The following TDP2 variants were observed in gnomAD, a reference collection of about 807,000 sequenced individuals.
TDP2 encodes tyrosyl-DNA phosphodiesterase 2.
TDP2 carries 38 observed loss-of-function variants against 42.8 expected under a neutral mutation model. The ratio of observed to expected loss-of-function variants is 0.89; its 90% CI spans 0.68 to 1.16. The LOEUF (loss-of-function observed/expected upper bound fraction) is 1.16, where lower values mean the gene tolerates loss of function less well. TDP2 is among the 50% of genes most tolerant of loss of function. The probability of loss-of-function intolerance (pLI) is 0.00; values close to 1 mark genes in which losing one functional copy is unlikely to be tolerated. For missense variants in TDP2, 439 were observed against 439.3 expected (o/e 1.00, Z 0.01); for synonymous variants, 173 against 150.6 (o/e 1.15, Z -1.09).
rs748308797 is a variant in TDP2 at position 24,657,920 on chromosome 6, AT to A, written c.426-18del. On this transcript the variant is annotated intron_variant, in intron 3 of 6. Transcript: ENST00000378198. ...GGGCTGTACCTAATGAAAAACATCA[AT>A]TTATGACAAATACCAAGTATACCAT... The A allele has an allele frequency of 2.1e-5, 30 of 1,457,158 alleles. No homozygotes were observed. Among genetic ancestry groups the A allele is most frequent in the Admixed American group, 8.7e-5 (4 of 45,866 alleles). 90.3% of individuals were successfully genotyped at this position (1,457,158 alleles called of 1,614,324 possible).
chr6:24,652,914 C>A, intron 6 of TDP2, 69 bp downstream of exon 6: 1 of 1,566,816 alleles, frequency 6.4e-7, no homozygotes, highest in South Asian at 1.1e-5. Flanking sequence ...CAGCTTTGGT[C>A]AAAGGAACCT....
At chr6:24,656,337 C>T (rs1290129376) in intron 4 of TDP2, among the ~76,000 whole-genome samples, 1 of 151,552 alleles carries the variant, frequency 6.6e-6, no homozygotes, top group Non-Finnish European at 1.5e-5. Context: ...AGGAGATCCA[C>T]CGTTTAACAG....
At chr6:24,654,387 C>A in intron 5 of TDP2, 25 bp downstream of exon 5, 1 of 1,115,934 alleles carries the variant, frequency 9.0e-7, no homozygotes, top group East Asian at 2.5e-5. Flanking sequence ...TTTTATAAAA[C>A]ACTCAATTTT....
intron 2 of TDP2, among the ~76,000 whole-genome samples, chr6:24,664,351 A>G (rs1778199205): frequency 6.6e-6 from 1 of 151,598 alleles, no homozygotes; most frequent in Non-Finnish European, 1.5e-5. Context: ...AAAAAAGCCA[A>G]TAAGGAATAA....
At chr6:24,659,661 CAT>C (rs1158268047) in intron 2 of TDP2, among the ~76,000 whole-genome samples, 2 of 152,152 alleles carry the variant, frequency 1.3e-5, no homozygotes, top group East Asian at 3.8e-4. Context: ...TTTTTAAAAT[CAT>C]ATGTTAAATA....
intron 4 of TDP2, 67 bp from the exon 5 acceptor site, chr6:24,654,597 T>C: frequency 3.5e-6 from 3 of 851,862 alleles, no homozygotes; most frequent in Non-Finnish European, 5.7e-6. Context: ...TACCACAAGT[T>C]TGCCTATTGA....
At position 24,666,288 on chromosome 6, in the gene TDP2, T is replaced by C. The variant is rs1296262028; in HGVS notation, c.251+238A>G. 3 of 1,537,396 alleles carry C rather than the reference T, an allele frequency of 2.0e-6. No homozygotes were observed. The African/African-American group carries it at 4.1e-5, about 21-fold the overall frequency. ...TGAGTTAAACATTACATTTCCATCT[T>C]TTCCTCCCTGGACCCCAAATCACGT... On this transcript the variant is annotated intron_variant, in intron 2 of 6. Transcript: ENST00000378198.
rs908094626 is a variant in TDP2, at chr6:24,661,226, A to C, written c.252-2492T>G. On this transcript the variant is annotated intron_variant, in intron 2 of 6. Coordinates refer to ENST00000378198, the MANE Select transcript of TDP2 (RefSeq NM_016614.3). Reference sequence around the variant, plus strand: ...TTTTTTCTAATTCCTCATGTCTTCCACATTTAATAGATGGAGTTCTACTGT... The same window carrying C: ...TTTTTTCTAATTCCTCATGTCTTCCCCATTTAATAGATGGAGTTCTACTGT... Among the ~76,000 whole-genome samples, 7 of 152,344 alleles carry C rather than the reference A, an allele frequency of 4.6e-5. No individual in the cohort carries two copies. In the South Asian group the frequency reaches 8.3e-4, roughly 18 times the overall value.
intron 2 of TDP2, among the ~76,000 whole-genome samples, chr6:24,664,863 T>G (rs906910238): frequency 2.6e-5 from 4 of 152,162 alleles, no homozygotes; most frequent in Non-Finnish European, 4.4e-5. Context: ...CCTTTGCTTG[T>G]TTTTGCCAAT....
chr6:24,656,271 A>C (rs1436594710), intron 4 of TDP2, among the ~76,000 whole-genome samples: 1 of 152,138 alleles, frequency 6.6e-6, no homozygotes, highest in African/African-American at 2.4e-5. Context: ...AGAAAGTAGA[A>C]CAGTCAATAG....
chr6:24,656,212 A>C (rs1390783741), intron 4 of TDP2, among the ~76,000 whole-genome samples: 2 of 152,218 alleles, frequency 1.3e-5, no homozygotes, highest in South Asian at 4.1e-4. Flanking sequence ...AGTGAATAGG[A>C]GGCCTAGGAA....
At chr6:24,666,334 A>AGTGTTAGATCCGCTGCT in intron 2 of TDP2, 192 bp downstream of exon 2, 2 of 1,509,170 alleles carry the variant, frequency 1.3e-6, no homozygotes, top group Non-Finnish European at 1.8e-6. Flanking sequence ...AGTCTGGTGC[A>AGTGTTAGATCCGCTGCT]GTGTTAGATC....
intron 4 of TDP2, among the ~76,000 whole-genome samples, chr6:24,655,589 T>C (rs1006289781): frequency 1.3e-5 from 2 of 152,080 alleles, no homozygotes; most frequent in Non-Finnish European, 2.9e-5. Flanking sequence ...AGACTACAGT[T>C]TTACATAGAA....
intron 2 of TDP2, 143 bp downstream of exon 2, chr6:24,666,383 A>G (rs1438939624): frequency 4.3e-6 from 6 of 1,406,750 alleles, no homozygotes; most frequent in Non-Finnish European, 4.9e-6. Context: ...GCAGCAACGC[A>G]AGCCCTGCTC....
chr6:24,661,984 T>A (rs1339321533), intron 2 of TDP2, among the ~76,000 whole-genome samples: 1 of 152,214 alleles, frequency 6.6e-6, no homozygotes, highest in African/African-American at 2.4e-5. Context: ...CTGTATTGAC[T>A]CAAGGTTTAA....
Position 24,653,078 on chromosome 6 carries a change from T to G in TDP2, c.712A>C (p.Met238Leu), listed in dbSNP as rs766587845. ...TTTAAAACCATTTTTAACTGATTCA[T>G]TCGTTCCGCAGCATGCCCTCTGGTG... ...ESTRGHAAER[M>L]NQLKMVLKKM... The change falls in exon 6 of 7, where the codon ATG becomes CTG. Residue 238 changes from methionine to leucine, a missense_variant. Met to Leu is a conservative substitution (Grantham distance 15). Coordinates refer to ENST00000378198, the MANE Select transcript of TDP2 (RefSeq NM_016614.3). The G allele has an allele frequency of 2.5e-6, 4 of 1,614,188 alleles. No homozygotes were observed. The highest frequency in any genetic ancestry group is 3.4e-6 in the Non-Finnish European group (4 of 1,180,034).
intron 6 of TDP2, 93 bp from the exon 7 acceptor site, chr6:24,651,162 GC>G: frequency 9.9e-7 from 1 of 1,013,540 alleles, no homozygotes; most frequent in Non-Finnish European, 1.4e-6. Flanking sequence ...CTATTACCGT[GC>G]AAGAAATTAT....
At chr6:24,654,675 T>C in intron 4 of TDP2, 145 bp from the exon 5 acceptor site, 1 of 552,912 alleles carries the variant, frequency 1.8e-6, no homozygotes, top group African/African-American at 2.0e-5. Context: ...TATTTCAAAA[T>C]AGTTCATCAT....
In TDP2 at chr6:24,666,839, C is replaced by T. The variant is rs140404711; in HGVS notation, c.24G>A (p.Glu8=). The T allele has an allele frequency of 6.5e-5, 105 of 1,614,064 alleles. No homozygotes were observed. The African/African-American group carries it at 1.2e-3, about 19-fold the overall frequency. Residue 8 remains glutamate (E), a synonymous_variant, in exon 1 of 7, where the codon GAG becomes GAA. Coordinates refer to ENST00000378198, the MANE Select transcript of TDP2 (RefSeq NM_016614.3). The part of the protein sequence containing the change: MELGSCL[E]GGREAAEEEG... ...CTTCCTCCGCCGCCTCCCTCCCGCC[C>T]TCCAGGCAACTCCCCAACTCCATCT... is the stretch of plus-strand genomic sequence containing the variant.
Sources: allele counts gnomAD v4.1 joint callset (sites outside exome capture counted in the v4.1 genomes callset), GRCh38; gene constraint gnomAD v4.1.1; transcripts MANE v1.5; gene names NCBI Gene and HGNC (gene_info 2026-07-23, HGNC 2026-07-21).